Variants in STAT2 observed in about 807,000 individuals in gnomAD.
STAT2 encodes signal transducer and activator of transcription 2, also known as interferon alpha induced transcriptional activator.
STAT2 carries 51 observed loss-of-function variants against 122.3 expected under a neutral mutation model. The ratio of observed to expected loss-of-function variants is 0.42; its 90% CI spans 0.33 to 0.53. The LOEUF is 0.53. Ranked by LOEUF, STAT2 falls within the 20% of genes least tolerant of loss-of-function variation. The probability of loss-of-function intolerance (pLI) is 0.10; values close to 1 mark genes in which losing one functional copy is unlikely to be tolerated. For missense variants in STAT2, 736 were observed against 1,010.3 expected, an observed-to-expected ratio of 0.73 and a Z score of 3.68; for synonymous variants, 351 against 394.9, an observed-to-expected ratio of 0.89 and a Z score of 1.32.
At position 56,341,769 on chromosome 12, in the gene STAT2, G is replaced by A. The variant is rs1015658139; in HGVS notation, c.*1620C>T. Reference sequence around the variant, plus strand: ...TGGAGCAATGTCAGTTGCCCCCTGGGGTTCCCTGGGAATAGCTAAGGTGTG... The same window carrying A: ...TGGAGCAATGTCAGTTGCCCCCTGGAGTTCCCTGGGAATAGCTAAGGTGTG... On this transcript the variant is annotated 3_prime_UTR_variant, in exon 24 of 24. Coordinates refer to ENST00000314128, the MANE Select transcript of STAT2 (RefSeq NM_005419.4). 6.6e-6 allele frequency: 1 copy of A among 152,178 alleles called. No individual in the cohort carries two copies. The highest frequency in any genetic ancestry group is 1.5e-5 in the Non-Finnish European group (1 of 68,048). The allele number at this position is 152,178 out of a possible 1,614,324, so 9.4% of individuals were successfully genotyped here.
chr12:56,349,033 G>T lies in STAT2; in HGVS notation c.1467C>A (p.Pro489=). 6.2e-7 allele frequency: 1 copy of T among 1,613,024 alleles called. No individual in the cohort carries two copies. ...GGCCCAGCAAGCTCCAGGGGGCCTT[G>T]GGGGGGTTGGAGAAGAACTGCTGGT... The part of the protein sequence containing the change: ...LQNQQFFSNP[P]KAPWSLLGPA... The change falls in exon 17 of 24, where the codon CCC becomes CCA. Residue 489 remains proline (P), a synonymous_variant. Transcript: ENST00000314128.
chr12:56,345,172 C>CAAA lies in STAT2; in HGVS notation c.2102+971_2102+973dup, dbSNP rs35648397. On this transcript the variant is annotated intron_variant, in intron 22 of 23. Transcript: ENST00000314128. ...CCGGGCAATGAGAGTGAGACTGTCT[C>CAAA]AAAAAAAAAAAAAAAAAAAAAAAAA... Among the ~76,000 whole-genome samples, 117 of 27,132 alleles carry CAAA rather than the reference C, an allele frequency of 4.3e-3. 14 individuals carry two copies. The highest frequency in any genetic ancestry group is 0.029 in the Middle Eastern group (1 of 34). The allele number at this position is 27,132 out of a possible 152,430, so 17.8% of individuals were successfully genotyped here.
Position 56,351,096 on chromosome 12 carries a change from A to G in STAT2, c.1034+2T>C, listed in dbSNP as rs767265113. 6.2e-7 allele frequency: 1 copy of G among 1,613,704 alleles called. No homozygotes were observed. The highest frequency in any genetic ancestry group is 2.2e-5 in the East Asian group (1 of 44,870). ...AGTGGGAATGAGTTCTGGAATGCCA[A>G]CCTTGTTCGGACGGTGAACTTGCTG... On this transcript the variant is annotated splice_donor_variant, in intron 10 of 23. Transcript: ENST00000314128. LOFTEE classifies it high-confidence loss of function.
At chr12:56,349,134 G>A (rs760656266) in intron 16 of STAT2, 29 bp downstream of exon 16, 19 of 1,614,000 alleles carry the variant, frequency 1.2e-5, no homozygotes, top group East Asian at 2.2e-5. Context: ...CTCCTCTCGC[G>A]CCTTGACCTG....
At chr12:56,351,549 T>A in intron 8 of STAT2, 99 bp from the exon 9 acceptor site, 1 of 1,279,022 alleles carries the variant, frequency 7.8e-7, no homozygotes. Flanking sequence ...AGTCAGAAAC[T>A]GACTGGGGGG....
chr12:56,353,744 A>G (rs1484173715), intron 8 of STAT2, among the ~76,000 whole-genome samples: 1 of 151,776 alleles, frequency 6.6e-6, no homozygotes, highest in African/African-American at 2.4e-5. Context: ...CTGTAATCCC[A>G]GCACTTTGGG....
chr12:56,351,326 G>A lies in STAT2; in HGVS notation c.907C>T (p.Gln303Ter). The A allele has an allele frequency of 6.2e-7, 1 of 1,614,146 alleles. No individual in the cohort carries two copies. The highest frequency in any genetic ancestry group is 8.5e-7 in the Non-Finnish European group (1 of 1,180,012). Residue 303 changes from glutamine (Q) to a stop codon, truncating the protein, a stop_gained, in exon 9 of 24, where the codon CAG becomes TAG. Transcript: ENST00000314128. LOFTEE classifies it high-confidence loss of function. Reference protein sequence around the residue: ...LTKGVDLRNAQVTELLQRLLH... With the variant: ...LTKGVDLRNA ...AGACGCTGTAGCAACTCTGTGACCT[G>A]GGCGTTGCGTAGGTCCACCCCTTTG...
At chr12:56,345,210 G>A (rs1238641912) in intron 22 of STAT2, among the ~76,000 whole-genome samples, 1 of 141,954 alleles carries the variant, frequency 7.0e-6, no homozygotes, top group African/African-American at 2.6e-5. Context: ...TCTATCCCCA[G>A]CCAAGTGCCA....
At chr12:56,343,587 C>A in intron 23 of STAT2, 56 bp from the exon 24 acceptor site, 1 of 1,585,376 alleles carries the variant, frequency 6.3e-7, no homozygotes, top group Non-Finnish European at 8.6e-7. Flanking sequence ...GTTCCCAACC[C>A]AGCAGGGAAA....
At chr12:56,354,393 G>C in intron 8 of STAT2, 73 bp downstream of exon 8, 2 of 1,600,960 alleles carry the variant, frequency 1.2e-6, no homozygotes, top group Non-Finnish European at 1.7e-6. Flanking sequence ...AGTATCTCTT[G>C]CTATATGCAG....
At chr12:56,349,377 C>T (rs1159126359) in intron 15 of STAT2, 49 bp downstream of exon 15, 4 of 1,613,998 alleles carry the variant, frequency 2.5e-6, no homozygotes, top group Non-Finnish European at 3.4e-6. Context: ...CCTTCTTATG[C>T]CTTCTTCCAA....
Position 56,356,712 on chromosome 12 carries a change from A to G in STAT2, c.-7-134T>C, listed in dbSNP as rs1879561918. The G allele has an allele frequency of 2.3e-6, 3 of 1,278,078 alleles. No homozygotes were observed. The South Asian group carries it at 4.8e-5, about 20-fold the overall frequency. 79.2% of individuals were successfully genotyped at this position (1,278,078 alleles called of 1,614,324 possible). On this transcript the variant is annotated intron_variant, in intron 1 of 23. Coordinates refer to ENST00000314128, the MANE Select transcript of STAT2 (RefSeq NM_005419.4). ...TAATAAAAATACAGAAAACATTAAA[A>G]TATATGTTGATCCTACTGCTAATCT...
At position 56,354,764 on chromosome 12, in the gene STAT2, CCT is replaced by C; in HGVS notation, c.633+12_633+13del. 6.2e-7 allele frequency: 1 copy of C among 1,614,164 alleles called. No homozygotes were observed. The highest frequency in any genetic ancestry group is 8.5e-7 in the Non-Finnish European group (1 of 1,180,016). ...GGTCCTTGTTGCCCACATGTTCTGT[CCT>C]CTGTCTCCCACCTTTCTCCTTTTGT... On this transcript the variant is annotated intron_variant, in intron 7 of 23. Transcript: ENST00000314128.
chr12:56,348,769 A>G lies in STAT2; in HGVS notation c.1612T>C (p.Trp538Arg), dbSNP rs1877950590. 4 of 1,614,190 alleles carry G rather than the reference A, an allele frequency of 2.5e-6. No homozygotes were observed. Among genetic ancestry groups the G allele is most frequent in the Non-Finnish European group, 2.5e-6 (3 of 1,180,028 alleles). ...GGAGTTACCTTAGTGAAGTCAGCCC[A>G]GGACAATAATGGATCCTCAGTCCTA... ...NCRTEDPLLSWADFTKRESPP... is the reference protein window; with the variant it reads ...NCRTEDPLLSRADFTKRESPP... Residue 538 changes from tryptophan (W) to arginine (R), a missense_variant, in exon 18 of 24, where the codon TGG (tryptophan) becomes CGG (arginine). Transcript: ENST00000314128.
intron 22 of STAT2, among the ~76,000 whole-genome samples, chr12:56,345,240 C>T (rs1334284803): frequency 2.0e-5 from 3 of 149,106 alleles, no homozygotes; most frequent in Non-Finnish European, 3.0e-5. Context: ...CCTACAATCC[C>T]GGCAATTTGG....
chr12:56,352,610 C>G (rs993820613), intron 8 of STAT2, among the ~76,000 whole-genome samples: 4 of 138,640 alleles, frequency 2.9e-5, no homozygotes, highest in South Asian at 2.1e-4. Flanking sequence ...ATCAATCAAT[C>G]AATGCATGCA....
At position 56,358,476 on chromosome 12, in the gene STAT2, C is replaced by A. The variant is rs181103045; in HGVS notation, c.-8+1582G>T. Among the ~76,000 whole-genome samples, 8 of 152,148 alleles carry A rather than the reference C, an allele frequency of 5.3e-5. No individual in the cohort carries two copies. In the East Asian group the frequency reaches 1.5e-3, roughly 29 times the overall value. On this transcript the variant is annotated intron_variant, in intron 1 of 23. Transcript: ENST00000314128. ...GTCCAGGCTGGTCTGGAACTTCTGA[C>A]CTCAGGTGATCTGCCCACCTTGGCC...
rs1185851035 is a variant in STAT2, at chr12:56,354,356, T to C, written c.782+110A>G. On this transcript the variant is annotated intron_variant, in intron 8 of 23. Transcript: ENST00000314128. ...GCAGTCAGCAGGGAGCAGGGCTCAT[T>C]CTGGGGAGCAGAGACAAATAGAGAA... is the stretch of plus-strand genomic sequence containing the variant. 3.9e-6 allele frequency: 6 copies of C among 1,534,836 alleles called. No individual in the cohort carries two copies. The East Asian group carries it at 1.4e-4, about 35-fold the overall frequency.
intron 1 of STAT2, among the ~76,000 whole-genome samples, chr12:56,358,028 A>C (rs1314108237): frequency 2.0e-5 from 3 of 152,124 alleles, no homozygotes; most frequent in African/African-American, 7.2e-5. Flanking sequence ...AATACACACT[A>C]GAGTAGAGTG....
Sources: allele counts gnomAD v4.1 joint callset (sites outside exome capture counted in the v4.1 genomes callset), GRCh38; gene constraint gnomAD v4.1.1; transcripts MANE v1.5; gene names NCBI Gene and HGNC (gene_info 2026-07-23, HGNC 2026-07-21).